EPB41L2: variants seen among roughly 807,000 people sequenced by gnomAD.
EPB41L2 encodes band 4.1-like protein 2.
EPB41L2 carries 43 observed loss-of-function variants against 113.0 expected under a neutral mutation model. The observed-to-expected ratio is 0.38, with a 90% CI of 0.30 to 0.49. The LOEUF (loss-of-function observed/expected upper bound fraction) is 0.49, where lower values mean the gene tolerates loss of function less well. Ranked by LOEUF, EPB41L2 falls within the 20% of genes least tolerant of loss-of-function variation. The pLI is 0.95. For synonymous variants in EPB41L2, 442 were observed against 436.7 expected, an observed-to-expected ratio of 1.01 and a Z score of -0.15; for missense variants, 1,147 against 1,223.4, an observed-to-expected ratio of 0.94 and a Z score of 0.93.
Position 130,878,133 on chromosome 6 carries a change from T to A in EPB41L2, c.2014A>T (p.Ile672Phe), listed in dbSNP as rs1275543722. Residue 672 changes from isoleucine to phenylalanine, a missense_variant, in exon 14 of 20, where the codon ATC becomes TTC. Physicochemically the swap from Ile to Phe is conservative, Grantham distance 21 (BLOSUM62 0). Transcript: ENST00000337057. ...TGTGTCTGTAGGGACAGAGGTGTGA[T>A]ACGTCGTTTTTCCCATTCATTAGGG... ...PRPNEWEKRR[I>F]TPLSLQTQGS... The A allele has an allele frequency of 6.2e-7, 1 of 1,613,578 alleles. No individual in the cohort carries two copies. The highest frequency in any genetic ancestry group is 8.5e-7 in the Non-Finnish European group (1 of 1,179,800).
intron 4 of EPB41L2, among the ~76,000 whole-genome samples, chr6:130,923,407 T>G (rs1803542179): frequency 6.6e-6 from 1 of 152,226 alleles, no homozygotes; most frequent in African/African-American, 2.4e-5. Context: ...TAGCCTTAAG[T>G]GGCCCTGCAT....
At chr6:131,038,739 T>C (rs1793837746) in intron 1 of EPB41L2, among the ~76,000 whole-genome samples, 1 of 152,192 alleles carries the variant, frequency 6.6e-6, no homozygotes, top group Admixed American at 6.5e-5. Context: ...TTTATTAATA[T>C]GGTATGCAGC....
chr6:130,979,221 C>G (rs1778825018), intron 1 of EPB41L2, among the ~76,000 whole-genome samples: 1 of 152,142 alleles, frequency 6.6e-6, no homozygotes, highest in Non-Finnish European at 1.5e-5. Flanking sequence ...TGTGGTGTTT[C>G]ATGCCTGTCA....
intron 19 of EPB41L2, among the ~76,000 whole-genome samples, chr6:130,846,314 A>C (rs1777032675): frequency 6.6e-6 from 1 of 152,230 alleles, no homozygotes; most frequent in Non-Finnish European, 1.5e-5. Flanking sequence ...ATAAATATTT[A>C]TAAAACTTCT....
At chr6:130,854,818 T>C (rs1322502536) in intron 19 of EPB41L2, among the ~76,000 whole-genome samples, 1 of 152,202 alleles carries the variant, frequency 6.6e-6, no homozygotes, top group South Asian at 2.1e-4. Flanking sequence ...TCTGGCAAGA[T>C]GAAAACATAG....
chr6:130,943,569 CA>C (rs1215502613), intron 3 of EPB41L2, among the ~76,000 whole-genome samples: 3 of 152,182 alleles, frequency 2.0e-5, no homozygotes, highest in Admixed American at 2.0e-4. Context: ...ACAGTTTCTT[CA>C]AAAGTATGTC....
intron 12 of EPB41L2, among the ~76,000 whole-genome samples, chr6:130,883,420 C>T (rs1789921012): frequency 6.6e-6 from 1 of 152,154 alleles, no homozygotes; most frequent in Non-Finnish European, 1.5e-5. Context: ...TATTTTCAAA[C>T]TAGTTGCAAA....
At chr6:130,867,866 C>A in intron 15 of EPB41L2, 1 of 363,634 alleles carries the variant, frequency 2.8e-6, no homozygotes, top group Non-Finnish European at 5.2e-6. Flanking sequence ...GACATGATGG[C>A]TTCCTAAATT....
At chr6:130,938,807 G>A (rs1809797171) in intron 3 of EPB41L2, among the ~76,000 whole-genome samples, 1 of 152,056 alleles carries the variant, frequency 6.6e-6, no homozygotes, top group Non-Finnish European at 1.5e-5. Flanking sequence ...GGCAGTACAG[G>A]TAATTCACAC....
At chr6:130,848,176 C>CTCTCTG (rs140139084) in intron 19 of EPB41L2, among the ~76,000 whole-genome samples, 4,782 of 99,066 alleles carry the variant, frequency 0.048, 124 homozygotes, top group Non-Finnish European at 0.065. Flanking sequence ...GTCTCTGTCT[C>CTCTCTG]TCTCTGTCTC....
intron 7 of EPB41L2, 82 bp from the exon 8 acceptor site, chr6:130,899,660 G>T: frequency 7.7e-7 from 1 of 1,300,380 alleles, no homozygotes; most frequent in Non-Finnish European, 1.1e-6. Context: ...TCTGTGCTCA[G>T]AGGGTTTGGA....
At chr6:130,877,801 C>T (rs1788028593) in intron 14 of EPB41L2, among the ~76,000 whole-genome samples, 3 of 150,144 alleles carry the variant, frequency 2.0e-5, no homozygotes, top group Admixed American at 6.7e-5. Context: ...TTATTAAATA[C>T]AGTATGTTAG....
chr6:131,038,987 TAA>T (rs1424479724), intron 1 of EPB41L2, among the ~76,000 whole-genome samples: 1 of 152,174 alleles, frequency 6.6e-6, no homozygotes, highest in African/African-American at 2.4e-5. Context: ...CATTTTTTTT[TAA>T]GTGTCAGACA....
chr6:130,904,916 CT>C (rs772079906), intron 5 of EPB41L2, among the ~76,000 whole-genome samples: 5,020 of 92,888 alleles, frequency 0.054, 121 homozygotes, highest in Non-Finnish European at 0.069. Context: ...ATTCTCCACC[CT>C]TTTTTTTTTT....
At chr6:130,861,196 C>A (rs908124241) in intron 18 of EPB41L2, among the ~76,000 whole-genome samples, 1 of 152,008 alleles carries the variant, frequency 6.6e-6, no homozygotes, top group Non-Finnish European at 1.5e-5. Flanking sequence ...CCTCAGCCTC[C>A]CAAGTAGCTG....
At chr6:131,013,239 G>GAA (rs56287133) in intron 1 of EPB41L2, among the ~76,000 whole-genome samples, 1 of 150,348 alleles carries the variant, frequency 6.7e-6, no homozygotes, top group African/African-American at 2.5e-5. Context: ...GTTAACTAAA[G>GAA]AAAAAAAAAA....
chr6:131,016,841 T>A (rs1788346949), intron 1 of EPB41L2, among the ~76,000 whole-genome samples: 2 of 119,496 alleles, frequency 1.7e-5, no homozygotes, highest in African/African-American at 3.9e-5. Context: ...ACTACTATAT[T>A]CGCACACAAA....
At chr6:130,863,813 T>C (rs1159629539) in intron 17 of EPB41L2, 95 bp from the exon 18 acceptor site, 1 of 753,360 alleles carries the variant, frequency 1.3e-6, no homozygotes, top group African/African-American at 1.7e-5. Flanking sequence ...CCTAGACCTG[T>C]GGATCATTGT....
chr6:130,843,720 A>G (rs879475763), intron 19 of EPB41L2, among the ~76,000 whole-genome samples: 6 of 152,210 alleles, frequency 3.9e-5, no homozygotes, highest in African/African-American at 1.4e-4. Flanking sequence ...TCTAACTACT[A>G]TAGTCACATT....
Sources: allele counts gnomAD v4.1 joint callset (sites outside exome capture counted in the v4.1 genomes callset), GRCh38; gene constraint gnomAD v4.1.1; transcripts MANE v1.5; gene names NCBI Gene and HGNC (gene_info 2026-07-23, HGNC 2026-07-21).